Variants in MALRD1 observed in about 807,000 individuals in gnomAD.
MALRD1 encodes MAM and LDL-receptor class A domain-containing protein 1.
In MALRD1, 247 loss-of-function variants were observed where a neutral mutation model predicts 242.1. That is an observed-to-expected ratio of 1.02 (90% CI 0.92 to 1.13). The LOEUF (loss-of-function observed/expected upper bound fraction) is 1.13, where lower values mean the gene tolerates loss of function less well. Ranked by LOEUF, MALRD1 falls within the 50% of genes most tolerant of loss-of-function variation. The pLI is 0.00. For missense variants in MALRD1, 2,989 were observed against 2,533.1 expected (o/e 1.18, Z -3.86); for synonymous variants, 995 against 866.6 (o/e 1.15, Z -2.60).
chr10:19,048,936 G>C lies in MALRD1; in HGVS notation c.-3G>C. On this transcript the variant is annotated 5_prime_UTR_variant, in exon 1 of 40. Coordinates refer to ENST00000454679, the MANE Select transcript of MALRD1 (RefSeq NM_001142308.3). ...CTTGATCTCTAATAGACAATACCAA[G>C]TAATGCTCTTCTTCCTGGACAGAAT... The C allele has an allele frequency of 1.6e-6, 2 of 1,233,752 alleles. No homozygotes were observed. Among genetic ancestry groups the C allele is most frequent in the South Asian group, 4.1e-5 (1 of 24,410 alleles). The allele number at this position is 1,233,752 out of a possible 1,614,324, so 76.4% of individuals were successfully genotyped here.
chr10:19,533,727 C>T (rs1042210534), intron 32 of MALRD1, among the ~76,000 whole-genome samples: 1 of 152,152 alleles, frequency 6.6e-6, no homozygotes, highest in Admixed American at 6.5e-5. Context: ...CAGCATCCAG[C>T]CATGACAGAT....
chr10:19,430,983 T>G (rs1418525829), intron 28 of MALRD1, among the ~76,000 whole-genome samples: 1 of 152,178 alleles, frequency 6.6e-6, no homozygotes, highest in Non-Finnish European at 1.5e-5. Flanking sequence ...TAATCTTTAG[T>G]TAATAAGCCA....
At chr10:19,678,575 A>G (rs1842231998) in intron 36 of MALRD1, among the ~76,000 whole-genome samples, 2 of 152,188 alleles carry the variant, frequency 1.3e-5, no homozygotes, top group East Asian at 1.9e-4. Context: ...TTGGGCTGAG[A>G]TGATAGGGTT....
At chr10:19,077,156 T>C (rs187342848) in intron 2 of MALRD1, among the ~76,000 whole-genome samples, 22 of 152,126 alleles carry the variant, frequency 1.4e-4, no homozygotes, top group African/African-American at 5.1e-4. Context: ...TCCTATATAC[T>C]TACCAACTTT....
At chr10:19,150,494 G>A (rs1407012619) in intron 11 of MALRD1, among the ~76,000 whole-genome samples, 2 of 152,120 alleles carry the variant, frequency 1.3e-5, no homozygotes, top group East Asian at 3.9e-4. Context: ...TACCCATGTG[G>A]GTCTCCCCAA....
At chr10:19,510,611 T>C (rs548289993) in intron 31 of MALRD1, among the ~76,000 whole-genome samples, 53 of 152,350 alleles carry the variant, frequency 3.5e-4, no homozygotes, top group African/African-American at 1.1e-3. Flanking sequence ...ACAGCACATG[T>C]TTCTGCGAGC....
intron 32 of MALRD1, 107 bp downstream of exon 32, chr10:19,531,458 T>G: frequency 9.4e-7 from 1 of 1,060,986 alleles, no homozygotes; most frequent in Non-Finnish European, 1.3e-6. Context: ...CCGCCAGTGC[T>G]GATGCCATTA....
Position 19,615,933 on chromosome 10 carries a change from A to G in MALRD1, c.6137+10A>G. On this transcript the variant is annotated intron_variant, in intron 36 of 39. Coordinates refer to ENST00000454679, the MANE Select transcript of MALRD1 (RefSeq NM_001142308.3). ...ATGGTCCTATGTGTCGGTAAGAAGC[A>G]TTGTTTAATTTTTTTTTTTAAGATT... The G allele has an allele frequency of 6.7e-7, 1 of 1,492,504 alleles. No homozygotes were observed. The highest frequency in any genetic ancestry group is 8.9e-7 in the Non-Finnish European group (1 of 1,126,662). The allele number at this position is 1,492,504 out of a possible 1,614,324, so 92.5% of individuals were successfully genotyped here. A position where few individuals can be genotyped will look rare whatever the true frequency, so the allele number is the denominator to read the frequency against.
chr10:19,114,790 T>C (rs946414924), intron 5 of MALRD1, among the ~76,000 whole-genome samples: 1 of 152,196 alleles, frequency 6.6e-6, no homozygotes, highest in Non-Finnish European at 1.5e-5. Flanking sequence ...TTTTCTTGAT[T>C]ATTGAGGCCA....
At chr10:19,631,852 T>A (rs1172398775) in intron 36 of MALRD1, among the ~76,000 whole-genome samples, 1 of 152,182 alleles carries the variant, frequency 6.6e-6, no homozygotes, top group Admixed American at 6.5e-5. Context: ...TCTTGTAAAT[T>A]TGTTCAAGTT....
intron 32 of MALRD1, among the ~76,000 whole-genome samples, chr10:19,536,488 A>C (rs1834680736): frequency 6.6e-6 from 1 of 151,826 alleles, no homozygotes; most frequent in Non-Finnish European, 1.5e-5. Context: ...CATTCTACAT[A>C]TGGTAGGTTG....
At chr10:19,099,820 C>T (rs1836186317) in intron 4 of MALRD1, among the ~76,000 whole-genome samples, 4 of 151,046 alleles carry the variant, frequency 2.6e-5, no homozygotes, top group Admixed American at 2.6e-4. Context: ...GGTTGGCATA[C>T]AGTGGCACCA....
At chr10:19,402,169 G>A (rs1003238575) in intron 28 of MALRD1, among the ~76,000 whole-genome samples, 2 of 152,132 alleles carry the variant, frequency 1.3e-5, no homozygotes, top group East Asian at 1.9e-4. Flanking sequence ...CTTTCTTCTG[G>A]GAAGGCCATC....
chr10:19,298,271 G>A (rs893862945), intron 21 of MALRD1, among the ~76,000 whole-genome samples: 2 of 151,650 alleles, frequency 1.3e-5, no homozygotes, highest in Non-Finnish European at 2.9e-5. Context: ...TCTCCTGAGA[G>A]TGGGAACTCA....
chr10:19,368,893 G>A (rs900553857), intron 26 of MALRD1, among the ~76,000 whole-genome samples: 2 of 90,520 alleles, frequency 2.2e-5, no homozygotes, highest in African/African-American at 9.7e-5. Flanking sequence ...GTGTGTGTTT[G>A]TGTGTGTGTG....
chr10:19,450,027 G>A (rs929422349), intron 28 of MALRD1, among the ~76,000 whole-genome samples: 1 of 152,138 alleles, frequency 6.6e-6, no homozygotes. Flanking sequence ...GGTTACAGCT[G>A]TCAGTTTCAG....
chr10:19,382,290 A>T (rs974264345), intron 26 of MALRD1, among the ~76,000 whole-genome samples: 1 of 152,024 alleles, frequency 6.6e-6, no homozygotes, highest in Non-Finnish European at 1.5e-5. Flanking sequence ...ATCTACTTGT[A>T]GTGTAGTGTG....
intron 29 of MALRD1, among the ~76,000 whole-genome samples, chr10:19,478,471 C>T (rs1022275344): frequency 3.9e-5 from 6 of 152,100 alleles, no homozygotes; most frequent in Non-Finnish European, 8.8e-5. Flanking sequence ...AAACACACAA[C>T]GTATCTCATC....
chr10:19,560,089 A>T lies in MALRD1; in HGVS notation c.5479-7413A>T, dbSNP rs532260152. Among the ~76,000 whole-genome samples the T allele has an allele frequency of 2.0e-5, 3 of 152,338 alleles. No homozygotes were observed. The South Asian group carries it at 6.2e-4, about 32-fold the overall frequency. On this transcript the variant is annotated intron_variant, in intron 32 of 39. Coordinates refer to ENST00000454679, the MANE Select transcript of MALRD1 (RefSeq NM_001142308.3). ...GTGGAAGACAGTGTGGTGATTCTTCAAGGATCTAGAACCAGAAATACTATT... is the reference window on the plus strand; with the variant it reads ...GTGGAAGACAGTGTGGTGATTCTTCTAGGATCTAGAACCAGAAATACTATT...
Sources: gnomAD v4.1 joint callset for allele counts (sites outside exome capture counted in the v4.1 genomes callset) on GRCh38, gnomAD v4.1.1 for gene constraint, MANE v1.5 for transcripts, NCBI Gene and HGNC (gene_info 2026-07-23, HGNC 2026-07-21) for gene names.